The following RAB33A variants were observed in gnomAD, a reference collection of about 807,000 sequenced individuals.
The protein encoded by RAB33A is RAB33A, member RAS oncogene family.
A neutral mutation model predicts 12.0 loss-of-function variants in RAB33A; 6 were observed. The observed-to-expected ratio is 0.50, with a 90% CI of 0.27 to 0.99. The LOEUF is 0.99. Among genes scored for constraint, RAB33A ranks in the 50% least tolerant of loss-of-function variants. RAB33A has a pLI of 0.11. For missense variants in RAB33A, 109 were observed against 192.0 expected, an observed-to-expected ratio of 0.57 and a Z score of 2.55; for synonymous variants, 70 against 82.4, an observed-to-expected ratio of 0.85 and a Z score of 0.81.
chrX:130,154,976 T>C, the RAB33A span, among the ~76,000 whole-genome samples: 40 of 112,526 alleles, frequency 3.6e-4, no homozygotes, highest in Non-Finnish European at 4.5e-4. Flanking sequence ...CTGGTAGGAC[T>C]TCAACAGTTT....
the RAB33A span, chrX:130,133,255 AT>A: frequency 1.7e-6 from 2 of 1,194,349 alleles, no homozygotes; most frequent in African/African-American, 3.5e-5. Flanking sequence ...ACTCTGTGTT[AT>A]GGTCCTAGAG....
At chrX:130,150,977 C>CAAAAAAAAAAAAAAAAAAAAAAAAA in the RAB33A span, among the ~76,000 whole-genome samples, 1 of 27,801 alleles carries the variant, frequency 3.6e-5, no homozygotes, top group African/African-American at 1.8e-4. Context: ...GACTCTGTCT[C>CAAAAAAAAAAAAAAAAAAAAAAAAA]AAAAAAAAAA....
At chrX:130,129,985 C>T in the RAB33A span, 1 of 1,211,805 alleles carries the variant, frequency 8.3e-7, no homozygotes, top group Non-Finnish European at 1.1e-6. Flanking sequence ...TTGCTATTGG[C>T]ATTCGGTTAA....
At chrX:130,145,489 G>T in the RAB33A span, 1 of 1,208,703 alleles carries the variant, frequency 8.3e-7, no homozygotes, top group African/African-American at 1.7e-5. Flanking sequence ...CTTCTTCCCA[G>T]TGAGGACAGC....
chrX:130,168,456 CG>C (rs1431911892), upstream of RAB33A, among the ~76,000 whole-genome samples: 1 of 111,409 alleles, frequency 9.0e-6, no homozygotes, highest in African/African-American at 3.3e-5. Context: ...CTCAGGTGAT[CG>C]CCCGCCTCGG....
At chrX:130,183,937 T>C in intron 1 of RAB33A, among the ~76,000 whole-genome samples, 1 of 111,909 alleles carries the variant, frequency 8.9e-6, no homozygotes, top group South Asian at 3.8e-4. Flanking sequence ...TTGCCCAGGC[T>C]GGAGTGCAAT....
At chrX:130,158,421 C>G in the RAB33A span, among the ~76,000 whole-genome samples, 1 of 111,390 alleles carries the variant, frequency 9.0e-6, no homozygotes, top group Non-Finnish European at 1.9e-5. Flanking sequence ...GAGAGTGTAT[C>G]CCAATGCCCT....
the RAB33A span, among the ~76,000 whole-genome samples, chrX:130,160,129 C>T: frequency 9.0e-6 from 1 of 111,703 alleles, no homozygotes; most frequent in Non-Finnish European, 1.9e-5. Flanking sequence ...ATTAATAAAC[C>T]AACTTTTAAA....
the RAB33A span, among the ~76,000 whole-genome samples, chrX:130,114,431 C>T: frequency 6.2e-5 from 7 of 112,457 alleles, no homozygotes; most frequent in African/African-American, 1.6e-4. Flanking sequence ...CACGGCTCGC[C>T]GCTCTTCCAC....
At chrX:130,179,441 C>T (rs1386955435) in intron 1 of RAB33A, among the ~76,000 whole-genome samples, 1 of 109,439 alleles carries the variant, frequency 9.1e-6, no homozygotes, top group African/African-American at 3.3e-5. Context: ...GGGATTCAGA[C>T]TTCTTCAGAG....
the RAB33A span, among the ~76,000 whole-genome samples, chrX:130,165,035 T>A: frequency 9.2e-6 from 1 of 109,109 alleles, no homozygotes; most frequent in Non-Finnish European, 1.9e-5. Context: ...TCTCTGGGTG[T>A]CTGGTACACA....
chrX:130,151,968 G>A, the RAB33A span, among the ~76,000 whole-genome samples: 27 of 110,552 alleles, frequency 2.4e-4, no homozygotes, highest in East Asian at 7.3e-3. Flanking sequence ...GAACCCCTGA[G>A]GTGGCGGCTG....
chrX:130,130,151 G>A, the RAB33A span: 3 of 1,211,935 alleles, frequency 2.5e-6, no homozygotes, highest in African/African-American at 1.7e-5. Flanking sequence ...CTCACTCTCT[G>A]ATCGGATACC....
chrX:130,168,507 C>T (rs1250947522), upstream of RAB33A, among the ~76,000 whole-genome samples: 2 of 111,449 alleles, frequency 1.8e-5, no homozygotes, highest in Admixed American at 9.5e-5. Context: ...AGCCACCTCG[C>T]CCGGCCTACA....
At chrX:130,165,504 G>C in the RAB33A span, 4 of 1,075,554 alleles carry the variant, frequency 3.7e-6, no homozygotes, top group Non-Finnish European at 5.1e-6. Flanking sequence ...GGGAGCCTAA[G>C]GCGCCAGGCC....
At chrX:130,129,501 C>T in the RAB33A span, 1 of 1,035,131 alleles carries the variant, frequency 9.7e-7, no homozygotes, top group Non-Finnish European at 1.4e-6. Context: ...TGCTCCTTTA[C>T]CCATTCGACC....
the RAB33A span, among the ~76,000 whole-genome samples, chrX:130,157,038 G>A: frequency 2.7e-5 from 3 of 111,275 alleles, no homozygotes; most frequent in East Asian, 5.6e-4. Flanking sequence ...AAAATAAAAC[G>A]CAACACTCTA....
the RAB33A span, chrX:130,165,431 A>G: frequency 4.8e-6 from 3 of 620,439 alleles, no homozygotes; most frequent in South Asian, 4.8e-5. Context: ...GCCAATTTGG[A>G]ATTCACGTGA....
chrX:130,136,759 G>A, the RAB33A span: 13 of 1,172,812 alleles, frequency 1.1e-5, no homozygotes, highest in African/African-American at 1.8e-5. Flanking sequence ...ACCTGAGAGT[G>A]AGCCTACAAG....
Sources: gnomAD v4.1 joint callset for allele counts (sites outside exome capture counted in the v4.1 genomes callset) on GRCh38, gnomAD v4.1.1 for gene constraint, MANE v1.5 for transcripts, NCBI Gene and HGNC (gene_info 2026-07-23, HGNC 2026-07-21) for gene names.